ADAMDEC1: variants seen among roughly 807,000 people sequenced by gnomAD.
The protein encoded by ADAMDEC1 is ADAM like decysin 1.
A neutral mutation model predicts 60.4 loss-of-function variants in ADAMDEC1; 62 were observed. That is an observed-to-expected ratio of 1.03 (90% confidence interval 0.84 to 1.27). ADAMDEC1 has a LOEUF of 1.27. Among genes scored for constraint, ADAMDEC1 ranks in the 50% most tolerant of loss-of-function variants. The pLI, the probability that ADAMDEC1 is intolerant of heterozygous loss-of-function variation, is 0.00. For missense variants in ADAMDEC1, 595 were observed against 565.0 expected (o/e 1.05, Z -0.54); for synonymous variants, 210 against 195.1 (o/e 1.08, Z -0.64).
At chr8:24,392,489 T>C (rs1468048061) in intron 2 of ADAMDEC1, 109 bp downstream of exon 2, 2 of 762,912 alleles carry the variant, frequency 2.6e-6, no homozygotes, top group Non-Finnish European at 4.2e-6. Context: ...TAGTTTCATA[T>C]TGAAGCCCAT....
At chr8:24,398,684 C>G (rs1356540433) in intron 8 of ADAMDEC1, 133 bp downstream of exon 8, 1 of 911,164 alleles carries the variant, frequency 1.1e-6, no homozygotes, top group Non-Finnish European at 1.7e-6. Context: ...GAAATTTTAG[C>G]AGAACAAGCA....
intron 1 of ADAMDEC1, among the ~76,000 whole-genome samples, chr8:24,388,741 A>G (rs1817360796): frequency 6.6e-6 from 1 of 152,182 alleles, no homozygotes; most frequent in Non-Finnish European, 1.5e-5. Context: ...TAAAATGTAC[A>G]CTTTATTTCC....
chr8:24,389,732 C>T (rs961764834), intron 1 of ADAMDEC1, among the ~76,000 whole-genome samples: 21 of 152,252 alleles, frequency 1.4e-4, no homozygotes, highest in African/African-American at 4.8e-4. Flanking sequence ...AGCTAGATCC[C>T]TGTGGTTTCT....
chr8:24,401,381 A>G (rs919155824), intron 11 of ADAMDEC1, among the ~76,000 whole-genome samples: 14 of 152,192 alleles, frequency 9.2e-5, no homozygotes, highest in South Asian at 2.1e-4. Context: ...CAATCAACCA[A>G]TCAATCTGTT....
chr8:24,405,619 C>T lies in ADAMDEC1; in HGVS notation c.*321C>T. On this transcript the variant is annotated 3_prime_UTR_variant, in exon 14 of 14. Transcript: ENST00000256412. ...AATCACCTTAAAATGCACGGCTAAA[C>T]TATTCAGAGTTAACACTCCAGAATT... The T allele has an allele frequency of 3.4e-6, 1 of 294,694 alleles. No individual in the cohort carries two copies. Among genetic ancestry groups the T allele is most frequent in the Non-Finnish European group, 6.2e-6 (1 of 160,838 alleles). 18.3% of individuals were successfully genotyped at this position (294,694 alleles called of 1,614,324 possible). A position where few individuals can be genotyped will look rare whatever the true frequency, so the allele number is the denominator to read the frequency against.
At chr8:24,394,008 T>C in intron 3 of ADAMDEC1, 61 bp from the exon 4 acceptor site, 1 of 1,127,278 alleles carries the variant, frequency 8.9e-7, no homozygotes, top group South Asian at 1.3e-5. Flanking sequence ...GTGCTGAAGT[T>C]CAGGAAGTTC....
In ADAMDEC1 at chr8:24,395,811, C is replaced by G. The variant is rs766739257; in HGVS notation, c.440+15C>G. ...GACGGGTTGAGGTAAGAACTACCAT[C>G]AAAATTACTCAAGATCAAGAAGCTT... On this transcript the variant is annotated intron_variant, in intron 5 of 13. Coordinates refer to ENST00000256412, the MANE Select transcript of ADAMDEC1 (RefSeq NM_014479.3). 4 of 1,587,392 alleles carry G rather than the reference C, an allele frequency of 2.5e-6. No individual in the cohort carries two copies. In the East Asian group the frequency reaches 9.0e-5, roughly 36 times the overall value.
rs75758866 is a variant in ADAMDEC1 at position 24,400,496 on chromosome 8, G to A, written c.1142+196G>A. Among the ~76,000 whole-genome samples the A allele has an allele frequency of 8.2e-4, 124 of 152,108 alleles. 5 individuals carry two copies. The East Asian group carries it at 0.012, about 14-fold the overall frequency. ...GTTACCCAAAAAACAATCTTAAAAC[G>A]TGTAGGGTAACATATTACATTCTTA... is the stretch of plus-strand genomic sequence containing the variant. On this transcript the variant is annotated intron_variant, in intron 11 of 13. Transcript: ENST00000256412.
At chr8:24,401,885 C>T in intron 11 of ADAMDEC1, 30 bp from the exon 12 acceptor site, 1 of 1,551,988 alleles carries the variant, frequency 6.4e-7, no homozygotes, top group Non-Finnish European at 8.8e-7. Flanking sequence ...CACTGTATAT[C>T]ATATTATTTG....
chr8:24,384,638 G>A (rs1817247857), intron 1 of ADAMDEC1, 46 bp downstream of exon 1: 2 of 1,530,756 alleles, frequency 1.3e-6, no homozygotes, highest in Non-Finnish European at 1.8e-6. Flanking sequence ...CAAATTATTT[G>A]ATGAATGTTT....
At chr8:24,391,062 A>G (rs1431989126) in intron 1 of ADAMDEC1, among the ~76,000 whole-genome samples, 1 of 152,188 alleles carries the variant, frequency 6.6e-6, no homozygotes, top group African/African-American at 2.4e-5. Flanking sequence ...ATTTACTCAT[A>G]CATTTCTAGA....
At chr8:24,397,241 C>T (rs200145477) in intron 5 of ADAMDEC1, 29 bp from the exon 6 acceptor site, 151 of 1,582,218 alleles carry the variant, frequency 9.5e-5, no homozygotes, top group Non-Finnish European at 1.2e-4. Flanking sequence ...TGTCAGGAAT[C>T]CTGAAATATA....
At chr8:24,387,594 T>C (rs1300138785) in intron 1 of ADAMDEC1, 1 of 152,208 alleles carries the variant, frequency 6.6e-6, no homozygotes, top group Non-Finnish European at 1.5e-5. Flanking sequence ...GGTCCCTTAA[T>C]TGCACCTCTG....
chr8:24,397,744 T>C lies in ADAMDEC1; in HGVS notation c.689T>C (p.Phe230Ser). The change falls in exon 7 of 14, where the codon TTT (phenylalanine) becomes TCT (serine). Residue 230 changes from phenylalanine to serine, a missense_variant and splice_region_variant. Physicochemically the swap from Phe to Ser is radical, Grantham distance 155. Transcript: ENST00000256412. ...CTCTATTTGGTGCTGGATAATGCCT[T>C]TGTGAGTATGAAACACACGGCCCTC... ...IDLYLVLDNA[F>S]YKNYNENLTL... 6.2e-7 allele frequency: 1 copy of C among 1,612,802 alleles called. No homozygotes were observed. The highest frequency in any genetic ancestry group is 8.5e-7 in the Non-Finnish European group (1 of 1,179,420).
At chr8:24,388,723 T>G (rs1339143179) in intron 1 of ADAMDEC1, among the ~76,000 whole-genome samples, 2 of 152,184 alleles carry the variant, frequency 1.3e-5, no homozygotes, top group East Asian at 3.8e-4. Context: ...ATCTTTTTGC[T>G]TCCACACTAA....
chr8:24,391,359 C>G (rs1817440246), intron 1 of ADAMDEC1, among the ~76,000 whole-genome samples: 1 of 152,084 alleles, frequency 6.6e-6, no homozygotes, highest in Non-Finnish European at 1.5e-5. Context: ...TGCCATCTTC[C>G]TAATAGGGTA....
chr8:24,399,578 G>C lies in ADAMDEC1; in HGVS notation c.1011+104G>C, dbSNP rs138622107. The C allele has an allele frequency of 1.8e-4, 179 of 988,746 alleles. No individual in the cohort carries two copies. The East Asian group carries it at 3.4e-3, about 19-fold the overall frequency. 61.2% of individuals were successfully genotyped at this position (988,746 alleles called of 1,614,324 possible). A position where few individuals can be genotyped will look rare whatever the true frequency, so the allele number is the denominator to read the frequency against. On this transcript the variant is annotated intron_variant, in intron 10 of 13. Coordinates refer to ENST00000256412, the MANE Select transcript of ADAMDEC1 (RefSeq NM_014479.3). ...CAAAATGAACATTTGCTGAATCAAT[G>C]AATCAAGGAAGAAATGAAACTACTG...
intron 7 of ADAMDEC1, 65 bp downstream of exon 7, chr8:24,397,810 A>G: frequency 6.8e-7 from 1 of 1,472,610 alleles, no homozygotes; most frequent in Non-Finnish European, 9.4e-7. Flanking sequence ...TTATCAAGCA[A>G]AAGCAAGCAA....
At chr8:24,397,198 C>A (rs1817635595) in intron 5 of ADAMDEC1, 72 bp from the exon 6 acceptor site, 2 of 1,430,536 alleles carry the variant, frequency 1.4e-6, no homozygotes, top group Non-Finnish European at 9.5e-7. Context: ...GGGCAGACAT[C>A]AATCCATTCT....
Sources: gnomAD v4.1 joint callset for allele counts (sites outside exome capture counted in the v4.1 genomes callset) on GRCh38, gnomAD v4.1.1 for gene constraint, MANE v1.5 for transcripts, NCBI Gene and HGNC (gene_info 2026-07-23, HGNC 2026-07-21) for gene names.